RAD51B: variants seen among roughly 807,000 people sequenced by gnomAD.
RAD51B encodes DNA repair protein RAD51 homolog 2.
RAD51B carries 38 observed loss-of-function variants against 42.2 expected under a neutral mutation model. That is an observed-to-expected ratio of 0.90 (90% CI 0.70 to 1.18). The LOEUF (loss-of-function observed/expected upper bound fraction) is 1.18. Ranked by LOEUF, RAD51B falls within the 50% of genes most tolerant of loss-of-function variation. The probability of loss-of-function intolerance (pLI) is 0.00; values close to 1 mark genes in which losing one functional copy is unlikely to be tolerated. For synonymous variants in RAD51B, 154 were observed against 145.2 expected (o/e 1.06, Z -0.43); for missense variants, 373 against 400.7 (o/e 0.93, Z 0.59).
chr14:68,363,790 A>C (rs566857274), intron 8 of RAD51B, among the ~76,000 whole-genome samples: 24 of 152,226 alleles, frequency 1.6e-4, no homozygotes, highest in Non-Finnish European at 1.0e-4. Flanking sequence ...GGAGTTGCCC[A>C]CTTAGTGAGA....
intron 7 of RAD51B, among the ~76,000 whole-genome samples, chr14:67,978,293 G>A (rs1477665525): frequency 6.6e-6 from 1 of 152,122 alleles, no homozygotes; most frequent in African/African-American, 2.4e-5. Context: ...AGTGAAAAAG[G>A]CTAAAGTTCT....
At chr14:68,398,704 G>C (rs2083998470) in intron 8 of RAD51B, among the ~76,000 whole-genome samples, 1 of 151,976 alleles carries the variant, frequency 6.6e-6, no homozygotes, top group Admixed American at 6.5e-5. Flanking sequence ...GGGGGATTAA[G>C]TCAGTCTTAA....
intron 10 of RAD51B, among the ~76,000 whole-genome samples, chr14:68,574,734 C>G (rs1392064801): frequency 1.3e-5 from 2 of 152,234 alleles, no homozygotes; most frequent in African/African-American, 4.8e-5. Flanking sequence ...TCCCCATCAC[C>G]CTTCTCCAAC....
intron 10 of RAD51B, among the ~76,000 whole-genome samples, chr14:68,644,324 C>T (rs1310614991): frequency 6.6e-6 from 1 of 152,176 alleles, no homozygotes; most frequent in Non-Finnish European, 1.5e-5. Flanking sequence ...CAGGCAGTGG[C>T]CCCTGACTCT....
chr14:68,675,153 T>C (rs1250733358), intron 11 of RAD51B, among the ~76,000 whole-genome samples: 2 of 152,146 alleles, frequency 1.3e-5, no homozygotes, highest in African/African-American at 4.8e-5. Flanking sequence ...AGGTAGCAGG[T>C]AGACAAGCAA....
At chr14:67,910,133 C>G (rs1373493198) in intron 7 of RAD51B, among the ~76,000 whole-genome samples, 2 of 152,126 alleles carry the variant, frequency 1.3e-5, no homozygotes, top group South Asian at 4.1e-4. Context: ...GGCCCATTTT[C>G]AAATTGTATG....
chr14:68,371,036 C>CAA lies in RAD51B; in HGVS notation c.854-40370_854-40369dup, dbSNP rs75617123. On this transcript the variant is annotated intron_variant, in intron 8 of 10. Transcript: ENST00000471583. The stretch of plus-strand genomic sequence containing the variant: ...TGGGCAACAGAGCAAGACTCTGTCT[C>CAA]AAAAAAAAAAAAAAAAAAAGAAAAA... Among the ~76,000 whole-genome samples, 164 of 26,042 alleles carry CAA rather than the reference C, an allele frequency of 6.3e-3. 16 individuals are homozygous for CAA. The highest frequency in any genetic ancestry group is 0.027 in the African/African-American group (137 of 5,084). The allele number at this position is 26,042 out of a possible 152,430, so 17.1% of individuals were successfully genotyped here.
At chr14:68,562,518 G>C in intron 10 of RAD51B, 1 of 985,398 alleles carries the variant, frequency 1.0e-6, no homozygotes, top group Non-Finnish European at 1.2e-6. Context: ...CTGCAGGGTG[G>C]AGCCAGCACC....
At chr14:68,577,530 G>A (rs890225398) in intron 10 of RAD51B, among the ~76,000 whole-genome samples, 12 of 151,444 alleles carry the variant, frequency 7.9e-5, no homozygotes, top group African/African-American at 2.7e-4. Context: ...TGGAATCCTA[G>A]GCTGGTCACT....
At chr14:68,548,515 C>T (rs961974511) in intron 10 of RAD51B, among the ~76,000 whole-genome samples, 3 of 152,218 alleles carry the variant, frequency 2.0e-5, no homozygotes, top group Admixed American at 1.3e-4. Context: ...GAGCTGGTTC[C>T]GAGATGGCTC....
At chr14:68,338,367 C>T (rs1028248363) in intron 8 of RAD51B, among the ~76,000 whole-genome samples, 1 of 152,204 alleles carries the variant, frequency 6.6e-6, no homozygotes, top group African/African-American at 2.4e-5. Flanking sequence ...TTTCTTTTCT[C>T]TTTCTCAGCT....
At chr14:68,598,475 A>G (rs1195097757), downstream of RAD51B, among the ~76,000 whole-genome samples, 2 of 152,252 alleles carry the variant, frequency 1.3e-5, no homozygotes, top group African/African-American at 2.4e-5. Context: ...CTCCTGTTCC[A>G]CATACATAAA....
intron 7 of RAD51B, among the ~76,000 whole-genome samples, chr14:67,933,160 C>T (rs983289882): frequency 3.3e-5 from 5 of 152,262 alleles, no homozygotes; most frequent in East Asian, 3.9e-4. Flanking sequence ...GCTGCCTTTC[C>T]GGTAGAATGC....
chr14:68,652,883 G>T (rs561899514), intron 11 of RAD51B, among the ~76,000 whole-genome samples: 11 of 152,348 alleles, frequency 7.2e-5, no homozygotes, highest in Admixed American at 7.2e-4. Flanking sequence ...CATCTGCTTT[G>T]TGAGCATAGG....
At chr14:68,176,125 T>C (rs772514799) in intron 7 of RAD51B, among the ~76,000 whole-genome samples, 17 of 152,194 alleles carry the variant, frequency 1.1e-4, no homozygotes, top group Non-Finnish European at 2.2e-4. Context: ...TCAGAGTATG[T>C]GCCAACTCAC....
At chr14:68,115,194 A>G (rs1391125776) in intron 7 of RAD51B, among the ~76,000 whole-genome samples, 16 of 136,030 alleles carry the variant, frequency 1.2e-4, no homozygotes, top group Non-Finnish European at 2.1e-4. Flanking sequence ...GCACATATAC[A>G]CCATGGAATA....
intron 7 of RAD51B, among the ~76,000 whole-genome samples, chr14:67,987,397 A>G (rs897845084): frequency 6.6e-6 from 1 of 152,156 alleles, no homozygotes; most frequent in Non-Finnish European, 1.5e-5. Context: ...CATGAGTTCA[A>G]TTGTTTTGAT....
intron 8 of RAD51B, among the ~76,000 whole-genome samples, chr14:68,363,066 C>G (rs1169970463): frequency 2.0e-5 from 3 of 152,158 alleles, no homozygotes; most frequent in African/African-American, 7.2e-5. Flanking sequence ...CTGAACCCAG[C>G]TACTTTCAAA....
chr14:68,621,454 C>T (rs1038833552), intron 10 of RAD51B, among the ~76,000 whole-genome samples: 29 of 152,226 alleles, frequency 1.9e-4, no homozygotes, highest in African/African-American at 6.8e-4. Context: ...ATGCTTTAGG[C>T]CTACCCAAGC....
Sources: gnomAD v4.1 joint callset for allele counts (sites outside exome capture counted in the v4.1 genomes callset) on GRCh38, gnomAD v4.1.1 for gene constraint, MANE v1.5 for transcripts, NCBI Gene and HGNC (gene_info 2026-07-23, HGNC 2026-07-21) for gene names.